Variants in ALKBH8 observed in about 807,000 individuals in gnomAD.
ALKBH8 encodes the protein alkB homolog 8, tRNA methyltransferase.
Under a neutral mutation model 59.8 loss-of-function variants are expected in ALKBH8, and 36 were observed. The observed-to-expected ratio is 0.60, with a 90% CI of 0.46 to 0.79. The LOEUF is 0.79. Ranked by LOEUF, ALKBH8 falls within the 30% of genes least tolerant of loss-of-function variation. The probability of loss-of-function intolerance (pLI) is 0.00; values close to 1 mark genes in which losing one functional copy is unlikely to be tolerated. For synonymous variants in ALKBH8, 276 were observed against 273.6 expected (o/e 1.01, Z -0.09); for missense variants, 768 against 801.0 (o/e 0.96, Z 0.50).
At chr11:107,522,180 T>A in intron 10 of ALKBH8, 119 bp downstream of exon 10, 1 of 1,194,720 alleles carries the variant, frequency 8.4e-7, no homozygotes, top group South Asian at 1.7e-5. Flanking sequence ...TAATTTTCAA[T>A]CTGTTGGTTA....
intron 7 of ALKBH8, among the ~76,000 whole-genome samples, chr11:107,541,738 A>G (rs1458203201): frequency 6.6e-6 from 1 of 152,190 alleles, no homozygotes; most frequent in Non-Finnish European, 1.5e-5. Flanking sequence ...AAGACACAGT[A>G]CCTGCTCTGG....
At chr11:107,514,788 G>A (rs1431020803) in intron 10 of ALKBH8, among the ~76,000 whole-genome samples, 1 of 151,884 alleles carries the variant, frequency 6.6e-6, no homozygotes, top group Admixed American at 6.6e-5. Flanking sequence ...GCTATACCTT[G>A]CTAAAAGTCA....
In ALKBH8 at chr11:107,503,134, T is replaced by C. The variant is rs1375788877; in HGVS notation, c.*1524A>G. 6.6e-6 allele frequency: 1 copy of C among 152,198 alleles called. No homozygotes were observed. Among genetic ancestry groups the C allele is most frequent in the African/African-American group, 2.4e-5 (1 of 41,454 alleles). 9.4% of individuals were successfully genotyped at this position (152,198 alleles called of 1,614,324 possible). On this transcript the variant is annotated 3_prime_UTR_variant, in exon 12 of 12. Coordinates refer to ENST00000428149, the MANE Select transcript of ALKBH8 (RefSeq NM_138775.3). ...ATCTATTTCATTTGGATGTTAAAAT[T>C]TATTGGCATGACTTGACTTCAAACT...
In ALKBH8 at chr11:107,504,657, A is replaced by G. The variant is rs940121066; in HGVS notation, c.*1T>C. On this transcript the variant is annotated 3_prime_UTR_variant, in exon 12 of 12. Transcript: ENST00000428149. Reference sequence around the variant, plus strand: ...TATATATGATGTGTTCAGGTAAATAATCAGGCCTTTTGAAGAATCACACAC... The same window carrying G: ...TATATATGATGTGTTCAGGTAAATAGTCAGGCCTTTTGAAGAATCACACAC... The G allele has an allele frequency of 1.3e-5, 20 of 1,544,806 alleles. No individual in the cohort carries two copies. In the Admixed American group the frequency reaches 1.8e-4, roughly 14 times the overall value.
chr11:107,563,957 G>A (rs1383672607), intron 1 of ALKBH8, among the ~76,000 whole-genome samples: 1 of 152,086 alleles, frequency 6.6e-6, no homozygotes, highest in East Asian at 1.9e-4. Flanking sequence ...GCAATGTGCT[G>A]GCCCAACATA....
intron 8 of ALKBH8, among the ~76,000 whole-genome samples, chr11:107,526,269 C>G (rs1311212877): frequency 1.3e-5 from 2 of 152,002 alleles, no homozygotes; most frequent in Admixed American, 1.3e-4. Context: ...AACATTCTCA[C>G]CAACACTTGG....
In ALKBH8 at chr11:107,557,104, GA is replaced by G. The variant is rs898081865; in HGVS notation, c.130-102del. 1.9e-4 allele frequency: 156 copies of G among 840,872 alleles called. 1 individual carries two copies. In the Middle Eastern group the frequency reaches 8.1e-3, roughly 44 times the overall value. 52.1% of individuals were successfully genotyped at this position (840,872 alleles called of 1,614,324 possible). ...TTTTTTTTAAAAAAGATGTAATTAA[GA>G]AAAAAAAAGCATTTCCTTGTAGTGG... is the stretch of plus-strand genomic sequence containing the variant. On this transcript the variant is annotated intron_variant, in intron 2 of 11. Coordinates refer to ENST00000428149, the MANE Select transcript of ALKBH8 (RefSeq NM_138775.3).
chr11:107,540,631 C>A (rs914152955), intron 7 of ALKBH8, among the ~76,000 whole-genome samples: 2 of 152,182 alleles, frequency 1.3e-5, no homozygotes, highest in Non-Finnish European at 2.9e-5. Flanking sequence ...TGTGTTTACA[C>A]TGAGACCACT....
chr11:107,540,642 T>C (rs1230120072), intron 7 of ALKBH8, among the ~76,000 whole-genome samples: 2 of 152,222 alleles, frequency 1.3e-5, no homozygotes, highest in African/African-American at 2.4e-5. Context: ...TGAGACCACT[T>C]GCTTTGAGCT....
intron 11 of ALKBH8, among the ~76,000 whole-genome samples, chr11:107,508,744 T>C (rs1225906565): frequency 6.6e-6 from 1 of 152,192 alleles, no homozygotes; most frequent in African/African-American, 2.4e-5. Flanking sequence ...AAGTAGTTCA[T>C]GTAAGTAGAA....
chr11:107,549,466 G>A (rs638234), intron 7 of ALKBH8, among the ~76,000 whole-genome samples: 121,529 of 152,074 alleles, frequency 0.8, 48,933 homozygotes, highest in South Asian at 0.86. Flanking sequence ...CAGTAGGTCA[G>A]AAATGGGCCA....
intron 10 of ALKBH8, among the ~76,000 whole-genome samples, chr11:107,518,062 C>A (rs866360516): frequency 6.0e-5 from 9 of 149,178 alleles, no homozygotes; most frequent in Middle Eastern, 3.6e-3. Context: ...TTTTTAATAA[C>A]TTTAATTTAA....
At chr11:107,544,574 CA>C in intron 7 of ALKBH8, among the ~76,000 whole-genome samples, 1 of 152,182 alleles carries the variant, frequency 6.6e-6, no homozygotes, top group African/African-American at 2.4e-5. Flanking sequence ...ATGACATGAT[CA>C]AACAAGGTAG....
At chr11:107,526,978 A>G (rs1056439861) in intron 8 of ALKBH8, among the ~76,000 whole-genome samples, 6 of 151,984 alleles carry the variant, frequency 3.9e-5, no homozygotes, top group African/African-American at 1.2e-4. Context: ...CCATATAGTA[A>G]GTCTTAAAAA....
At chr11:107,506,225 T>A (rs1027895318) in intron 11 of ALKBH8, among the ~76,000 whole-genome samples, 1 of 152,122 alleles carries the variant, frequency 6.6e-6, no homozygotes, top group Non-Finnish European at 1.5e-5. Context: ...TCATCCCCAA[T>A]AAAGCATAAA....
Position 107,565,605 on chromosome 11 carries a change from G to C in ALKBH8, c.-11C>G. 6.5e-7 allele frequency: 1 copy of C among 1,535,728 alleles called. No homozygotes were observed. Among genetic ancestry groups the C allele is most frequent in the Non-Finnish European group, 8.7e-7 (1 of 1,146,910 alleles). ...CCAGTAAGAAGTGCCACACACCTCC[G>C]CTTCGGCTCAGGCCGGATTCTCACC... On this transcript the variant is annotated 5_prime_UTR_variant, in exon 1 of 12. Coordinates refer to ENST00000428149, the MANE Select transcript of ALKBH8 (RefSeq NM_138775.3).
chr11:107,547,003 T>C (rs947849126), intron 7 of ALKBH8, among the ~76,000 whole-genome samples: 1 of 152,088 alleles, frequency 6.6e-6, no homozygotes, highest in Non-Finnish European at 1.5e-5. Context: ...ATCTTAGAAA[T>C]TTCCTGGGAA....
At chr11:107,544,815 CCACACACACACACACACACACA>C (rs5794557) in intron 7 of ALKBH8, among the ~76,000 whole-genome samples, 5 of 138,454 alleles carry the variant, frequency 3.6e-5, no homozygotes, top group African/African-American at 5.4e-5. Context: ...TAGATACAAA[CCACACACACACACACACACACA>C]CACACACACA....
chr11:107,561,745 A>G (rs1033302199), intron 1 of ALKBH8, among the ~76,000 whole-genome samples: 1 of 152,180 alleles, frequency 6.6e-6, no homozygotes, highest in Non-Finnish European at 1.5e-5. Flanking sequence ...CATGATATAA[A>G]TCCCAAGAGA....
Sources: allele counts gnomAD v4.1 joint callset (sites outside exome capture counted in the v4.1 genomes callset), GRCh38; gene constraint gnomAD v4.1.1; transcripts MANE v1.5; gene names NCBI Gene and HGNC (gene_info 2026-07-23, HGNC 2026-07-21).